The following SAMD3 variants were observed in gnomAD, a reference collection of about 807,000 sequenced individuals.
SAMD3 encodes the protein sterile alpha motif domain containing 3.
SAMD3 carries 63 observed loss-of-function variants against 58.5 expected under a neutral mutation model. The observed-to-expected ratio is 1.08, with a 90% CI of 0.88 to 1.33. The LOEUF (loss-of-function observed/expected upper bound fraction) is 1.33, where lower values mean the gene tolerates loss of function less well. Among genes scored for constraint, SAMD3 ranks in the 40% most tolerant of loss-of-function variants. The pLI, the probability that SAMD3 is intolerant of heterozygous loss-of-function variation, is 0.00. For missense variants in SAMD3, 604 were observed against 608.4 expected (o/e 0.99, Z 0.08); for synonymous variants, 220 against 210.3 (o/e 1.05, Z -0.40).
intron 8 of SAMD3, among the ~76,000 whole-genome samples, chr6:130,155,704 T>C (rs911558869): frequency 2.0e-5 from 3 of 152,136 alleles, no homozygotes; most frequent in African/African-American, 7.2e-5. Flanking sequence ...ACTGTCTAGC[T>C]GACCAGAATG....
intron 5 of SAMD3, among the ~76,000 whole-genome samples, chr6:130,197,009 C>A (rs28807673): frequency 1.3e-5 from 2 of 151,932 alleles, no homozygotes; most frequent in African/African-American, 4.8e-5. Flanking sequence ...ATATCCCTTA[C>A]GGTCCTCCAT....
At chr6:130,234,178 G>T (rs1354747417) in intron 2 of SAMD3, among the ~76,000 whole-genome samples, 1 of 152,126 alleles carries the variant, frequency 6.6e-6, no homozygotes, top group Non-Finnish European at 1.5e-5. Flanking sequence ...TATGTAGTTA[G>T]CTGAGGCTTA....
chr6:130,144,566 A>C lies in SAMD3; in HGVS notation c.1517T>G (p.Leu506Trp), dbSNP rs1318567163. 2 of 1,613,894 alleles carry C rather than the reference A, an allele frequency of 1.2e-6. No homozygotes were observed. Among genetic ancestry groups the C allele is most frequent in the Non-Finnish European group, 8.5e-7 (1 of 1,179,864 alleles). ...TCCTACTTCGTTTTCCTTTTCTTTC[A>C]AAGAAGGAAAATAAGGACTGTGCAT... ...FDMHSPYFPS[L>W]KEKENEVGFQ... The change falls in exon 12 of 12, where the codon TTG becomes TGG. Residue 506 changes from leucine (L) to tryptophan (W), a missense_variant. By Grantham distance (61) the Leu-to-Trp change is moderately conservative (BLOSUM62 -2). Coordinates refer to ENST00000439090, the MANE Select transcript of SAMD3 (RefSeq NM_001017373.4).
chr6:130,146,115 A>C lies in SAMD3; in HGVS notation c.1090T>G (p.Ser364Ala). The change falls in exon 10 of 12, where the codon TCC (serine) becomes GCC (alanine). Residue 364 changes from serine to alanine, a missense_variant. Ser to Ala is a moderately conservative substitution (Grantham distance 99, BLOSUM62 1). Coordinates refer to ENST00000439090, the MANE Select transcript of SAMD3 (RefSeq NM_001017373.4). ...GAAGTCAGTATATTTTCTGAATAGGATTCCAAAATGTGCCTTGTTTTCTTA... is the reference window on the plus strand; with the variant it reads ...GAAGTCAGTATATTTTCTGAATAGGCTTCCAAAATGTGCCTTGTTTTCTTA... ...IYKKTRHILE[S>A]YSENILTSFS... 1 of 1,602,200 alleles carries C rather than the reference A, an allele frequency of 6.2e-7. No individual in the cohort carries two copies. The highest frequency in any genetic ancestry group is 8.5e-7 in the Non-Finnish European group (1 of 1,174,044).
intron 1 of SAMD3, among the ~76,000 whole-genome samples, chr6:130,349,723 G>A (rs546625749): frequency 1.3e-5 from 2 of 152,116 alleles, no homozygotes; most frequent in African/African-American, 4.8e-5. Flanking sequence ...CATTTTATGA[G>A]GCCAGCATCA....
At chr6:130,170,582 T>C (rs1791156611) in intron 8 of SAMD3, among the ~76,000 whole-genome samples, 1 of 152,238 alleles carries the variant, frequency 6.6e-6, no homozygotes, top group Non-Finnish European at 1.5e-5. Flanking sequence ...TCCATGAGCA[T>C]GGAATGTCTT....
chr6:130,241,579 C>G (rs1175807174), intron 2 of SAMD3, among the ~76,000 whole-genome samples: 1 of 151,906 alleles, frequency 6.6e-6, no homozygotes, highest in Non-Finnish European at 1.5e-5. Context: ...TTTACTTAGC[C>G]TTTGTTTCTG....
chr6:130,175,689 G>A, intron 8 of SAMD3, 152 bp downstream of exon 8: 1 of 488,362 alleles, frequency 2.0e-6, no homozygotes, highest in Non-Finnish European at 3.5e-6. Flanking sequence ...TTGTTAGCCA[G>A]GCAAAACAGA....
At chr6:130,286,388 G>C (rs899000867) in intron 2 of SAMD3, 1 of 152,248 alleles carries the variant, frequency 6.6e-6, no homozygotes, top group African/African-American at 2.4e-5. Context: ...ATGACAGACT[G>C]GAGACATGGG....
intron 7 of SAMD3, among the ~76,000 whole-genome samples, chr6:130,177,160 G>C (rs1209759370): frequency 6.6e-6 from 1 of 152,206 alleles, no homozygotes; most frequent in Non-Finnish European, 1.5e-5. Context: ...CTGATTTTGA[G>C]GTCACGGGTA....
chr6:130,359,759 C>A lies in SAMD3; in HGVS notation c.-304+5361G>T, dbSNP rs891916513. ...AATGCTTTCTGAATTAATAAAAGAA[C>A]AATCTAAAACTGAAACTCTACTCAC... On this transcript the variant is annotated intron_variant, in intron 1 of 13. Transcript: ENST00000368134. Among the ~76,000 whole-genome samples the A allele has an allele frequency of 2.0e-5, 3 of 152,152 alleles. No homozygotes were observed. The East Asian group carries it at 5.8e-4, about 29-fold the overall frequency.
intron 2 of SAMD3, among the ~76,000 whole-genome samples, chr6:130,235,646 G>A (rs1773120533): frequency 6.6e-6 from 1 of 152,150 alleles, no homozygotes; most frequent in Non-Finnish European, 1.5e-5. Context: ...AAAAGACATT[G>A]TGTTGAATCT....
intron 1 of SAMD3, among the ~76,000 whole-genome samples, chr6:130,330,161 G>A (rs1230404577): frequency 6.6e-6 from 1 of 152,190 alleles, no homozygotes; most frequent in Admixed American, 6.5e-5. Flanking sequence ...CATTTCATGT[G>A]TGATGAAGTA....
chr6:130,210,780 G>A (rs984320427), intron 4 of SAMD3, among the ~76,000 whole-genome samples: 1 of 151,934 alleles, frequency 6.6e-6, no homozygotes, highest in African/African-American at 2.4e-5. Context: ...TAGAATTGAG[G>A]AAAAGGTGAC....
chr6:130,202,043 T>G (rs1015183604), intron 5 of SAMD3, among the ~76,000 whole-genome samples: 10 of 152,308 alleles, frequency 6.6e-5, no homozygotes, highest in Admixed American at 2.0e-4. Flanking sequence ...ACCTAGCCCA[T>G]GGGGTATAGT....
chr6:130,210,733 G>A (rs1473545892), intron 4 of SAMD3, among the ~76,000 whole-genome samples: 3 of 152,088 alleles, frequency 2.0e-5, no homozygotes, highest in Non-Finnish European at 4.4e-5. Context: ...GATGGGAAGG[G>A]AAGGTTGAAC....
chr6:130,320,594 GT>G (rs1776552176), intron 1 of SAMD3, among the ~76,000 whole-genome samples: 1 of 152,146 alleles, frequency 6.6e-6, no homozygotes, highest in Non-Finnish European at 1.5e-5. Context: ...TAGCAACTTT[GT>G]TTGTAACGGC....
At chr6:130,304,877 A>G (rs1390023501) in intron 2 of SAMD3, among the ~76,000 whole-genome samples, 1 of 147,990 alleles carries the variant, frequency 6.8e-6, no homozygotes, top group African/African-American at 2.5e-5. Flanking sequence ...ACATATTTTA[A>G]TGGTTTTTAC....
chr6:130,327,905 A>T (rs1207020540), intron 1 of SAMD3, among the ~76,000 whole-genome samples: 1 of 152,208 alleles, frequency 6.6e-6, no homozygotes, highest in Admixed American at 6.5e-5. Context: ...AAATTAATTA[A>T]AAAGCATTTT....
Sources: allele counts gnomAD v4.1 joint callset (sites outside exome capture counted in the v4.1 genomes callset), GRCh38; gene constraint gnomAD v4.1.1; transcripts MANE v1.5; gene names NCBI Gene and HGNC (gene_info 2026-07-23, HGNC 2026-07-21).